The following UNC5D variants were observed in gnomAD, a reference collection of about 807,000 sequenced individuals.
UNC5D encodes netrin receptor UNC5D.
In UNC5D, 39 loss-of-function variants were observed where a neutral mutation model predicts 105.4. The ratio of observed to expected loss-of-function variants is 0.37; its 90% confidence interval spans 0.29 to 0.48. UNC5D has a LOEUF of 0.48. UNC5D is among the 20% of genes least tolerant of loss of function. UNC5D has a pLI of 0.98. For synonymous variants in UNC5D, 452 were observed against 450.4 expected, an observed-to-expected ratio of 1.00 and a Z score of -0.04; for missense variants, 991 against 1,202.4, an observed-to-expected ratio of 0.82 and a Z score of 2.60.
chr8:35,336,586 C>T (rs1178124963), intron 1 of UNC5D, among the ~76,000 whole-genome samples: 1 of 152,154 alleles, frequency 6.6e-6, no homozygotes, highest in Non-Finnish European at 1.5e-5. Context: ...ACAGGAGACA[C>T]AGCTGAGCTC....
At chr8:35,728,174 CTCTT>C (rs1421155544) in intron 10 of UNC5D, among the ~76,000 whole-genome samples, 1 of 149,170 alleles carries the variant, frequency 6.7e-6, no homozygotes, top group Non-Finnish European at 1.5e-5. Flanking sequence ...ATTATCTTAT[CTCTT>C]TCTTGCTCAT....
intron 1 of UNC5D, among the ~76,000 whole-genome samples, chr8:35,529,674 C>T (rs1185734204): frequency 1.8e-5 from 2 of 111,698 alleles, no homozygotes; most frequent in African/African-American, 3.6e-5. Flanking sequence ...ATTCTTCCTA[C>T]CCATGAGCAT....
chr8:35,331,713 A>C (rs1810645010), intron 1 of UNC5D, among the ~76,000 whole-genome samples: 1 of 152,210 alleles, frequency 6.6e-6, no homozygotes, highest in African/African-American at 2.4e-5. Flanking sequence ...AGAATTGAAC[A>C]GAATCACATC....
chr8:35,389,738 TAAAAAAA>T (rs5890808), intron 1 of UNC5D, among the ~76,000 whole-genome samples: 2 of 126,558 alleles, frequency 1.6e-5, no homozygotes, highest in African/African-American at 3.0e-5. Context: ...CTGGCTGATT[TAAAAAAA>T]AAAAAAAAAA....
intron 1 of UNC5D, among the ~76,000 whole-genome samples, chr8:35,351,455 T>G (rs1025909224): frequency 6.6e-6 from 1 of 152,112 alleles, no homozygotes; most frequent in Non-Finnish European, 1.5e-5. Flanking sequence ...CAATGCAGTT[T>G]AAATAATTTG....
chr8:35,533,756 G>A (rs1427049189), intron 1 of UNC5D, among the ~76,000 whole-genome samples: 4 of 152,182 alleles, frequency 2.6e-5, no homozygotes, highest in African/African-American at 9.6e-5. Context: ...GTGGTTCGCC[G>A]TTTTTTTAGC....
chr8:35,496,161 T>C (rs954181059), intron 1 of UNC5D, among the ~76,000 whole-genome samples: 1 of 152,128 alleles, frequency 6.6e-6, no homozygotes, highest in Non-Finnish European at 1.5e-5. Flanking sequence ...AGGTGCAATC[T>C]AAAGGAGGAG....
intron 8 of UNC5D, among the ~76,000 whole-genome samples, chr8:35,719,407 T>C (rs1828445108): frequency 6.6e-6 from 1 of 151,882 alleles, no homozygotes; most frequent in Non-Finnish European, 1.5e-5. Flanking sequence ...TACAACCAGG[T>C]AGATCGAAGA....
intron 1 of UNC5D, among the ~76,000 whole-genome samples, chr8:35,433,097 G>T (rs1031769821): frequency 6.6e-6 from 1 of 152,152 alleles, no homozygotes; most frequent in Non-Finnish European, 1.5e-5. Flanking sequence ...TGTTCGATGT[G>T]AAAGCTAACA....
At position 35,750,570 on chromosome 8, in the gene UNC5D, C is replaced by T; in HGVS notation, c.1936-12C>T. The T allele has an allele frequency of 6.2e-7, 1 of 1,613,090 alleles. No individual in the cohort carries two copies. Among genetic ancestry groups the T allele is most frequent in the Non-Finnish European group, 8.5e-7 (1 of 1,179,304 alleles). Reference sequence around the variant, plus strand: ...TTTCCAAGTGAGAGAATAAACATACCTTTCCCAACAGGAAGTGATGTCAGT... The same window carrying T: ...TTTCCAAGTGAGAGAATAAACATACTTTTCCCAACAGGAAGTGATGTCAGT... On this transcript the variant is annotated splice_polypyrimidine_tract_variant and intron_variant, in intron 12 of 16. Coordinates refer to ENST00000404895, the MANE Select transcript of UNC5D (RefSeq NM_080872.4).
At chr8:35,337,645 G>T (rs1811143839) in intron 1 of UNC5D, among the ~76,000 whole-genome samples, 1 of 152,056 alleles carries the variant, frequency 6.6e-6, no homozygotes, top group Non-Finnish European at 1.5e-5. Context: ...TTTTCAGTAA[G>T]TAGCTGGAAT....
chr8:35,288,855 A>G (rs1008050452), intron 1 of UNC5D, among the ~76,000 whole-genome samples: 2 of 152,180 alleles, frequency 1.3e-5, no homozygotes, highest in African/African-American at 4.8e-5. Context: ...TAGCAGTTTC[A>G]CAAAATGTAA....
At chr8:35,737,443 T>G (rs958289856) in intron 11 of UNC5D, among the ~76,000 whole-genome samples, 1 of 151,988 alleles carries the variant, frequency 6.6e-6, no homozygotes, top group African/African-American at 2.4e-5. Context: ...TTTGGATTTC[T>G]TTCCAGGGAA....
chr8:35,568,661 C>T (rs934504274), intron 3 of UNC5D, among the ~76,000 whole-genome samples: 5 of 152,182 alleles, frequency 3.3e-5, no homozygotes, highest in African/African-American at 9.7e-5. Flanking sequence ...TGCACTCCCA[C>T]CTGGGTGACA....
intron 1 of UNC5D, among the ~76,000 whole-genome samples, chr8:35,480,598 T>C (rs1200796227): frequency 2.6e-5 from 4 of 152,218 alleles, no homozygotes; most frequent in African/African-American, 9.6e-5. Flanking sequence ...TTTTAATTGC[T>C]ATATGTGAGA....
At chr8:35,415,869 A>G (rs529351703) in intron 1 of UNC5D, among the ~76,000 whole-genome samples, 112 of 152,192 alleles carry the variant, frequency 7.4e-4, no homozygotes, top group Non-Finnish European at 1.3e-3. Flanking sequence ...AAACTACAGT[A>G]GAGTAGGAAG....
chr8:35,624,532 T>C (rs1382735233), intron 4 of UNC5D, among the ~76,000 whole-genome samples: 1 of 152,224 alleles, frequency 6.6e-6, no homozygotes, highest in Non-Finnish European at 1.5e-5. Context: ...ATCCAAACCC[T>C]ACTTCTGACA....
Position 35,361,808 on chromosome 8 carries a change from C to T in UNC5D, c.103+125921C>T, listed in dbSNP as rs571234815. Reference sequence around the variant, plus strand: ...CTGCTTCAGTTATTAAATTAGACCTCGAATATAATTCTGCCTAGAACAGCC... The same window carrying T: ...CTGCTTCAGTTATTAAATTAGACCTTGAATATAATTCTGCCTAGAACAGCC... On this transcript the variant is annotated intron_variant, in intron 1 of 16. Coordinates refer to ENST00000404895, the MANE Select transcript of UNC5D (RefSeq NM_080872.4). Among the ~76,000 whole-genome samples, 460 of 152,174 alleles carry T rather than the reference C, an allele frequency of 3.0e-3. 1 individual carries two copies. Among genetic ancestry groups the T allele is most frequent in the African/African-American group, 0.011 (449 of 41,520 alleles).
At chr8:35,288,152 C>T (rs1429691781) in intron 1 of UNC5D, among the ~76,000 whole-genome samples, 1 of 152,024 alleles carries the variant, frequency 6.6e-6, no homozygotes, top group South Asian at 2.1e-4. Flanking sequence ...TTACTATACA[C>T]ATAATAATCA....
Sources: allele counts gnomAD v4.1 joint callset (sites outside exome capture counted in the v4.1 genomes callset), GRCh38; gene constraint gnomAD v4.1.1; transcripts MANE v1.5; gene names NCBI Gene and HGNC (gene_info 2026-07-23, HGNC 2026-07-21).